ZC3H4: variants seen among roughly 807,000 people sequenced by gnomAD.
ZC3H4 encodes zinc finger CCCH domain-containing protein 4.
ZC3H4 carries 13 observed loss-of-function variants against 108.3 expected under a neutral mutation model. The observed-to-expected ratio is 0.12, with a 90% CI of 0.08 to 0.19. The LOEUF (loss-of-function observed/expected upper bound fraction) is 0.19. ZC3H4 is among the 10% of genes least tolerant of loss of function. ZC3H4 has a pLI of 1.00. For synonymous variants in ZC3H4, 917 were observed against 749.6 expected, an observed-to-expected ratio of 1.22 and a Z score of -3.65; for missense variants, 1,734 against 1,838.8, an observed-to-expected ratio of 0.94 and a Z score of 1.04.
At position 47,072,512 on chromosome 19, in the gene ZC3H4, G is replaced by C; in HGVS notation, c.1642C>G (p.Pro548Ala). The C allele has an allele frequency of 2.9e-6, 4 of 1,374,884 alleles. No homozygotes were observed. The highest frequency in any genetic ancestry group is 4.0e-6 in the Non-Finnish European group (4 of 1,012,530). The allele number at this position is 1,374,884 out of a possible 1,614,324, so 85.2% of individuals were successfully genotyped here. The change falls in exon 12 of 15, where the codon CCT (proline) becomes GCT (alanine). Residue 548 changes from proline to alanine, a missense_variant. By Grantham distance (27) the Pro-to-Ala change is conservative (BLOSUM62 -1). Coordinates refer to ENST00000253048, the MANE Select transcript of ZC3H4 (RefSeq NM_015168.2). The surrounding 1 kb of genome is among the most constrained non-coding windows in gnomAD (Gnocchi z 5.6). ...TGAGGGGGCCCGGGCGGTGGGGGAG[G>C]GGGAGGGGGCGGGGGCGGGGGGCCA... ...QGGPPPPPPP[P>A]PPPPGPPQMP...
intron 2 of ZC3H4, among the ~76,000 whole-genome samples, chr19:47,108,246 C>T (rs899177141): frequency 2.0e-5 from 3 of 152,168 alleles, no homozygotes; most frequent in Non-Finnish European, 4.4e-5. Flanking sequence ...CGGTGTGAAT[C>T]GGACCCAGTT....
intron 11 of ZC3H4, among the ~76,000 whole-genome samples, chr19:47,078,612 G>C (rs2057464681): frequency 6.6e-6 from 1 of 152,102 alleles, no homozygotes; most frequent in Non-Finnish European, 1.5e-5. Context: ...TGGCCAACAT[G>C]GTGAAACCCT....
intron 11 of ZC3H4, among the ~76,000 whole-genome samples, chr19:47,079,662 C>A (rs991589435): frequency 1.3e-5 from 2 of 152,110 alleles, no homozygotes; most frequent in African/African-American, 4.8e-5. Context: ...ATTTGGGAGG[C>A]CAAGGTGGGC....
chr19:47,110,166 G>A (rs1048081818), intron 2 of ZC3H4, among the ~76,000 whole-genome samples: 2 of 152,124 alleles, frequency 1.3e-5, no homozygotes, highest in Non-Finnish European at 2.9e-5. Flanking sequence ...AAGAGACATT[G>A]GAGTAAAATG....
intron 5 of ZC3H4, among the ~76,000 whole-genome samples, chr19:47,088,537 ACT>A (rs752409619): frequency 6.0e-5 from 9 of 150,592 alleles, no homozygotes; most frequent in African/African-American, 2.0e-4. Flanking sequence ...AAAAAGTGAA[ACT>A]CTGTCTCAAA....
At chr19:47,090,247 C>A in intron 4 of ZC3H4, 58 bp from the exon 5 acceptor site, 1 of 1,588,444 alleles carries the variant, frequency 6.3e-7, no homozygotes, top group Non-Finnish European at 8.6e-7. Flanking sequence ...TGGGTGCAGA[C>A]TACCAAGATA....
intron 1 of ZC3H4, among the ~76,000 whole-genome samples, chr19:47,112,842 C>T (rs2058058510): frequency 6.6e-6 from 1 of 152,098 alleles, no homozygotes; most frequent in African/African-American, 2.4e-5. Flanking sequence ...GGCGAGAGCC[C>T]CCCCCCCACG....
intron 1 of ZC3H4, among the ~76,000 whole-genome samples, chr19:47,112,975 G>A (rs77261620): frequency 2.5e-4 from 38 of 152,314 alleles, no homozygotes; most frequent in Non-Finnish European, 4.7e-4. Flanking sequence ...GCGAGCGAGG[G>A]GGGTGGGGGG....
chr19:47,107,797 C>T (rs1379830399), intron 2 of ZC3H4, among the ~76,000 whole-genome samples: 2 of 152,144 alleles, frequency 1.3e-5, no homozygotes, highest in Non-Finnish European at 2.9e-5. Context: ...AACTGCCTAT[C>T]GCACCTCATT....
At chr19:47,090,522 AG>A (rs2057713308) in intron 4 of ZC3H4, among the ~76,000 whole-genome samples, 1 of 152,202 alleles carries the variant, frequency 6.6e-6, no homozygotes, top group South Asian at 2.1e-4. Context: ...CCTGGGAAGC[AG>A]GCGGGGGCTG....
intron 1 of ZC3H4, chr19:47,113,484 G>A (rs562270829): frequency 6.5e-6 from 1 of 153,058 alleles, no homozygotes; most frequent in African/African-American, 2.4e-5. Flanking sequence ...GTGTCCGGGT[G>A]GGTGGCAGGA....
intron 2 of ZC3H4, among the ~76,000 whole-genome samples, chr19:47,109,135 T>C (rs1401087722): frequency 1.3e-5 from 2 of 152,210 alleles, no homozygotes; most frequent in Admixed American, 6.5e-5. Flanking sequence ...TTTTAACTAA[T>C]ACTGGTACAT....
rs201775448 is a variant in ZC3H4 at position 47,067,433 on chromosome 19, G to C, written c.2835C>G (p.Pro945=). 3.7e-6 allele frequency: 6 copies of C among 1,602,658 alleles called. No homozygotes were observed. The highest frequency in any genetic ancestry group is 5.1e-6 in the Non-Finnish European group (6 of 1,173,834). ...ACCGTGGGTCCCGCAGAGGGTGCCCGGGGAGTGGGTCCAGGGGAATGTTCA... is the reference window on the plus strand; with the variant it reads ...ACCGTGGGTCCCGCAGAGGGTGCCCCGGGAGTGGGTCCAGGGGAATGTTCA... ...KAVNIPLDPL[P]GHPLRDPRSQ... The change falls in exon 15 of 15, where the codon CCC becomes CCG. Residue 945 remains proline (P), a synonymous_variant. Transcript: ENST00000253048. This position sits in a 1 kb window ranked among gnomAD's most constrained non-coding sequence, Gnocchi z 6.4.
In ZC3H4 at chr19:47,085,067, C is replaced by T. The variant is rs748320826; in HGVS notation, c.1096G>A (p.Glu366Lys). 6 of 1,614,110 alleles carry T rather than the reference C, an allele frequency of 3.7e-6. No homozygotes were observed. Among genetic ancestry groups the T allele is most frequent in the African/African-American group, 2.7e-5 (2 of 74,938 alleles). ...TGGAGTCAACTCACGCCCATGTCCT[C>T]GTCATAGAAGTCTTCGTCATCGTTC... ...GMNDDEDFYD[E>K]DMGDGGGGSY... The change falls in exon 8 of 15, where the codon GAG becomes AAG. Residue 366 changes from glutamate to lysine, a missense_variant. Glu to Lys is a moderately conservative substitution (Grantham distance 56). Around this residue, in one of 9 missense-constraint regions of ZC3H4, gnomAD observed 403 missense variants for 457.0 expected, o/e 0.88. Coordinates refer to ENST00000253048, the MANE Select transcript of ZC3H4 (RefSeq NM_015168.2).
chr19:47,072,651 C>T lies in ZC3H4; in HGVS notation c.1503G>A (p.Lys501=), dbSNP rs553395129. The T allele has an allele frequency of 1.7e-5, 28 of 1,613,556 alleles. No individual in the cohort carries two copies. Among genetic ancestry groups the T allele is most frequent in the East Asian group, 6.7e-5 (3 of 44,870 alleles). ...EDEKEVEELK[K]QGINPLPKPP... ...GTTTGGGCAGGGGGTTGATGCCCTG[C>T]TTCTTCAGTTCCTCCACCTCCTTCT... The change falls in exon 12 of 15, where the codon AAG becomes AAA. Residue 501 remains lysine (K), a synonymous_variant. Coordinates refer to ENST00000253048, the MANE Select transcript of ZC3H4 (RefSeq NM_015168.2). The surrounding 1 kb of genome is among the most constrained non-coding windows in gnomAD (Gnocchi z 5.6).
intron 13 of ZC3H4, among the ~76,000 whole-genome samples, chr19:47,070,643 T>C (rs2057310237): frequency 6.6e-6 from 1 of 152,104 alleles, no homozygotes; most frequent in South Asian, 2.1e-4. Context: ...GCACCCACTC[T>C]CACCCAAGTA....
rs373066543 is a variant in ZC3H4 at position 47,071,782 on chromosome 19, A to G, written c.2142T>C (p.Asp714=). The change falls in exon 13 of 15, where the codon GAT becomes GAC. Residue 714 remains aspartate (D), a synonymous_variant. Transcript: ENST00000253048. ...CACACCTGGAGTCCCGCATACCTGC[A>G]TCCCCCAGGAGTCCGGGCTCCATCT... ...GMEMEPGLLG[D]AEDYGHYEEL... 2 of 1,606,484 alleles carry G rather than the reference A, an allele frequency of 1.2e-6. No homozygotes were observed. The highest frequency in any genetic ancestry group is 1.1e-5 in the South Asian group (1 of 90,082).
chr19:47,066,885 G>A lies in ZC3H4; in HGVS notation c.3383C>T (p.Ala1128Val). 1.9e-6 allele frequency: 3 copies of A among 1,598,226 alleles called. No individual in the cohort carries two copies. The highest frequency in any genetic ancestry group is 2.5e-6 in the Non-Finnish European group (3 of 1,178,546). ...CCCTCCGCCCTGGCCCAGTCCACCG[G>A]CCGCCAGCACGCGGGGGTCGTAGGG... ...TAPYDPRVLA[A>V]GGLGQGGGGG... Residue 1128 changes from alanine to valine, a missense_variant, in exon 15 of 15, where the codon GCC becomes GTC. Physicochemically the swap from Ala to Val is moderately conservative, Grantham distance 64 (BLOSUM62 0). Around this residue, in one of 9 missense-constraint regions of ZC3H4, gnomAD observed 518 missense variants for 499.6 expected, o/e 1.04. Transcript: ENST00000253048.
At position 47,067,480 on chromosome 19, in the gene ZC3H4, G is replaced by A. The variant is rs780062948; in HGVS notation, c.2788C>T (p.Arg930Trp). Residue 930 changes from arginine to tryptophan, a missense_variant, in exon 15 of 15, where the codon CGG becomes TGG. By Grantham distance (101) the Arg-to-Trp change is moderately radical. Transcript: ENST00000253048. The surrounding 1 kb of genome is among the most constrained non-coding windows in gnomAD (Gnocchi z 6.4). The part of the protein sequence containing the change: ...PPPTEEEEGE[R>W]ALREKAVNIP... ...TTCACGGCCTTCTCCCGCAGGGCCC[G>A]CTCCCCTTCCTCCTCCTCCGTTGGG... 14 of 1,581,442 alleles carry A rather than the reference G, an allele frequency of 8.9e-6. No individual in the cohort carries two copies. The highest frequency in any genetic ancestry group is 1.2e-5 in the Non-Finnish European group (14 of 1,162,286).
Sources: allele counts gnomAD v4.1 joint callset (sites outside exome capture counted in the v4.1 genomes callset), GRCh38; gene constraint gnomAD v4.1.1; regional missense constraint gnomAD v4.1.1; non-coding constraint Gnocchi (gnomAD v3.1); transcripts MANE v1.5; gene names NCBI Gene and HGNC (gene_info 2026-07-23, HGNC 2026-07-21).